The following DNAH17 variants were observed in gnomAD, a reference collection of about 807,000 sequenced individuals.
The protein encoded by DNAH17 is axonemal beta dynein heavy chain 17.
DNAH17 carries 376 observed loss-of-function variants against 485.6 expected under a neutral mutation model. That is an observed-to-expected ratio of 0.77 (90% CI 0.71 to 0.84). The LOEUF is 0.84. DNAH17 is among the 40% of genes least tolerant of loss of function. The probability of loss-of-function intolerance (pLI) is 0.00; values close to 1 mark genes in which losing one functional copy is unlikely to be tolerated. For synonymous variants in DNAH17, 3,031 were observed against 2,405.9 expected (o/e 1.26, Z -7.60); for missense variants, 6,370 against 5,839.3 (o/e 1.09, Z -2.96).
chr17:78,475,415 A>T lies in DNAH17; in HGVS notation c.8374T>A (p.Ser2792Thr). The T allele has an allele frequency of 6.2e-7, 1 of 1,613,322 alleles. No homozygotes were observed. The highest frequency in any genetic ancestry group is 8.5e-7 in the Non-Finnish European group (1 of 1,179,776). The change falls in exon 54 of 81, where the codon TCT becomes ACT. Residue 2792 changes from serine (S) to threonine (T), a missense_variant. Ser to Thr is a moderately conservative substitution (Grantham distance 58). Transcript: ENST00000389840. ...HICRINRILE[S>T]PRGNALLVGV... ...ACCAGCAGGGCATTCCCCCGGGGAG[A>T]CTCCAGGATGCGATTAATCCTGCAG...
chr17:78,455,080 T>G (rs2087733137), intron 63 of DNAH17, among the ~76,000 whole-genome samples: 1 of 152,192 alleles, frequency 6.6e-6, no homozygotes, highest in African/African-American at 2.4e-5. Flanking sequence ...CAGCTAATTT[T>G]CGTAGTTTTA....
chr17:78,545,890 AGTT>A (rs1251717823), intron 16 of DNAH17, among the ~76,000 whole-genome samples: 5 of 152,080 alleles, frequency 3.3e-5, no homozygotes, highest in Admixed American at 6.6e-5. Context: ...TTTTGCCTCT[AGTT>A]GTTCTTTGCT....
chr17:78,426,941 C>A lies in DNAH17; in HGVS notation c.12756G>T (p.Leu4252=), dbSNP rs1279933167. Reference sequence around the variant, plus strand: ...CCATGTTTACCTTCAGCCCCAGGTTCAGCTCCTTGAGCGAACGGCGCATTT... The same window carrying A: ...CCATGTTTACCTTCAGCCCCAGGTTAAGCTCCTTGAGCGAACGGCGCATTT... ...TNEMRRSLKE[L]NLGLKGELTI... is the part of the protein sequence containing the mutation. The change falls in exon 78 of 81, where the codon CTG becomes CTT. Residue 4252 remains leucine (L), a synonymous_variant. Coordinates refer to ENST00000389840, the MANE Select transcript of DNAH17 (RefSeq NM_173628.4). The A allele has an allele frequency of 6.2e-7, 1 of 1,606,438 alleles. No individual in the cohort carries two copies. Among genetic ancestry groups the A allele is most frequent in the Admixed American group, 1.7e-5 (1 of 58,906 alleles).
intron 17 of DNAH17, among the ~76,000 whole-genome samples, chr17:78,540,427 A>ATGAGTGGG (rs2091495624): frequency 7.0e-5 from 2 of 28,480 alleles, no homozygotes; most frequent in African/African-American, 3.2e-4. Context: ...GAGTGGGTGG[A>ATGAGTGGG]TGGATGGATG....
Position 78,479,391 on chromosome 17 carries a change from A to G in DNAH17, c.7900+94T>C, listed in dbSNP as rs2089248996. 6 of 1,377,532 alleles carry G rather than the reference A, an allele frequency of 4.4e-6. No homozygotes were observed. In the East Asian group the frequency reaches 1.3e-4, roughly 30 times the overall value. The allele number at this position is 1,377,532 out of a possible 1,614,324, so 85.3% of individuals were successfully genotyped here. A position where few individuals can be genotyped will look rare whatever the true frequency, so the allele number is the denominator to read the frequency against. ...TTAAGATATTGATTTAGAATTATAA[A>G]TAAAATATTTATCAAGGGAAAATGT... On this transcript the variant is annotated intron_variant, in intron 50 of 80. Transcript: ENST00000389840.
At chr17:78,482,550 T>G (rs761286771) in intron 48 of DNAH17, among the ~76,000 whole-genome samples, 3 of 152,186 alleles carry the variant, frequency 2.0e-5, no homozygotes, top group African/African-American at 4.8e-5. Flanking sequence ...TTTTTGCCCT[T>G]CTGTGTGTGC....
intron 54 of DNAH17, among the ~76,000 whole-genome samples, chr17:78,472,230 T>A (rs2088785304): frequency 6.8e-6 from 1 of 145,998 alleles, no homozygotes; most frequent in Non-Finnish European, 1.5e-5. Context: ...TGTGAGACAT[T>A]AGGGTTATGG....
At chr17:78,488,464 TC>T (rs777562246) in intron 44 of DNAH17, among the ~76,000 whole-genome samples, 39 of 152,284 alleles carry the variant, frequency 2.6e-4, no homozygotes, top group Non-Finnish European at 4.7e-4. Context: ...CACGCTGCCT[TC>T]GTTTCTGGCT....
In DNAH17 at chr17:78,574,983, G is replaced by A. The variant is rs1377616143; in HGVS notation, c.75C>T (p.Asp25=). 9 of 1,613,872 alleles carry A rather than the reference G, an allele frequency of 5.6e-6. No homozygotes were observed. Among genetic ancestry groups the A allele is most frequent in the Admixed American group, 3.3e-5 (2 of 60,004 alleles). The part of the protein sequence containing the change: ...VASIVLKFKP[D]KWSKLIGAEE... ...CGGCGCCTATCAGCTTGCTCCACTT[G>A]TCCGGCTTGAACTTCAGGACGATGG... The change falls in exon 2 of 81, where the codon GAC becomes GAT. Residue 25 remains aspartate (D), a synonymous_variant. Coordinates refer to ENST00000389840, the MANE Select transcript of DNAH17 (RefSeq NM_173628.4).
chr17:78,455,718 C>G lies in DNAH17; in HGVS notation c.10096G>C (p.Val3366Leu). Reference sequence around the variant, plus strand: ...CGGTATTTCTTGGTGAAGTAGCCCACGTAGGACACGAAGGCAGAGATGAGC... The same window carrying G: ...CGGTATTTCTTGGTGAAGTAGCCCAGGTAGGACACGAAGGCAGAGATGAGC... Reference protein sequence around the residue: ...VLLISAFVSYVGYFTKKYRNE... With the variant: ...VLLISAFVSYLGYFTKKYRNE... The change falls in exon 63 of 81, where the codon GTG becomes CTG. Residue 3366 changes from valine to leucine, a missense_variant. Transcript: ENST00000389840. 3 of 1,607,190 alleles carry G rather than the reference C, an allele frequency of 1.9e-6. No homozygotes were observed. Among genetic ancestry groups the G allele is most frequent in the East Asian group, 2.2e-5 (1 of 44,524 alleles).
At position 78,459,050 on chromosome 17, in the gene DNAH17, T is replaced by C; in HGVS notation, c.9812A>G (p.Glu3271Gly). The C allele has an allele frequency of 6.2e-7, 1 of 1,614,048 alleles. No homozygotes were observed. The highest frequency in any genetic ancestry group is 2.2e-5 in the East Asian group (1 of 44,888). The change falls in exon 61 of 81, where the codon GAG (glutamate) becomes GGG (glycine). Residue 3271 changes from glutamate (E) to glycine (G), a missense_variant. Glu to Gly is a moderately conservative substitution (Grantham distance 98). Coordinates refer to ENST00000389840, the MANE Select transcript of DNAH17 (RefSeq NM_173628.4). ...KRQALEEANA[E>G]LAEAQEKLSR... ...CAGCTTCTCTTGTGCCTCTGCCAGCTCTGCATTAGCCTCCTCCAGTGCCTG... is the reference window on the plus strand; with the variant it reads ...CAGCTTCTCTTGTGCCTCTGCCAGCCCTGCATTAGCCTCCTCCAGTGCCTG...
At chr17:78,440,554 C>T (rs868300136) in intron 72 of DNAH17, among the ~76,000 whole-genome samples, 2 of 152,122 alleles carry the variant, frequency 1.3e-5, no homozygotes, top group South Asian at 2.1e-4. Flanking sequence ...CTACCGCCCC[C>T]GGCCTGCTTC....
rs1285998781 is a variant in DNAH17 at position 78,494,622 on chromosome 17, G to T, written c.6241C>A (p.Pro2081Thr). 6.2e-7 allele frequency: 1 copy of T among 1,613,892 alleles called. No individual in the cohort carries two copies. The highest frequency in any genetic ancestry group is 1.1e-5 in the South Asian group (1 of 91,086). ...IGDLFPALDV[P>T]RKRDLNFEKI... ...TCAAAATTCAGGTCCCGTTTCCGAGGCACGTCCAGAGCCGGGAAGAGGTCC... is the reference window on the plus strand; with the variant it reads ...TCAAAATTCAGGTCCCGTTTCCGAGTCACGTCCAGAGCCGGGAAGAGGTCC... Residue 2081 changes from proline (P) to threonine (T), a missense_variant, in exon 40 of 81, where the codon CCT (proline) becomes ACT (threonine). Transcript: ENST00000389840.
chr17:78,430,874 G>A (rs984648793), intron 75 of DNAH17, among the ~76,000 whole-genome samples: 3 of 148,808 alleles, frequency 2.0e-5, no homozygotes, highest in African/African-American at 5.0e-5. Context: ...GAGCCACTGT[G>A]CCCAGCCCAT....
intron 16 of DNAH17, among the ~76,000 whole-genome samples, chr17:78,545,043 C>G (rs1376671040): frequency 6.6e-6 from 1 of 151,824 alleles, no homozygotes; most frequent in Admixed American, 6.6e-5. Flanking sequence ...CTCCTCCTCA[C>G]GGCTGCCTCT....
At chr17:78,431,448 AC>A (rs537043508) in intron 75 of DNAH17, among the ~76,000 whole-genome samples, 1,512 of 137,648 alleles carry the variant, frequency 0.011, 23 homozygotes, top group Admixed American at 0.028. Flanking sequence ...TGCTGAGGGA[AC>A]CCCCCACCCC....
In DNAH17 at chr17:78,460,195, C is replaced by G. The variant is rs2088030416; in HGVS notation, c.9402G>C (p.Leu3134=). 1 of 1,609,346 alleles carries G rather than the reference C, an allele frequency of 6.2e-7. No homozygotes were observed. Among genetic ancestry groups the G allele is most frequent in the African/African-American group, 1.3e-5 (1 of 74,990 alleles). Residue 3134 remains leucine, a synonymous_variant, in exon 59 of 81, where the codon CTG becomes CTC. Coordinates refer to ENST00000389840, the MANE Select transcript of DNAH17 (RefSeq NM_173628.4). ...GAGTGTCCAGAGCCTCCTGGGCTGC[C>G]AGCAGGGCCGGTTCTGCTTTGGCCA... ...TDLAKAEPAL[L]AAQEALDTLN... is the part of the protein sequence containing the mutation.
chr17:78,511,566 C>T (rs1020002171), intron 26 of DNAH17, among the ~76,000 whole-genome samples: 6 of 152,226 alleles, frequency 3.9e-5, no homozygotes, highest in Non-Finnish European at 8.8e-5. Context: ...ACCAGATCAC[C>T]GTTAGTCTAG....
intron 47 of DNAH17, 37 bp downstream of exon 47, chr17:78,485,513 C>T: frequency 6.5e-7 from 1 of 1,527,552 alleles, no homozygotes; most frequent in Non-Finnish European, 8.8e-7. Context: ...TGGCGGGGGG[C>T]AGCCGGGTAG....
Sources: allele counts gnomAD v4.1 joint callset (sites outside exome capture counted in the v4.1 genomes callset), GRCh38; gene constraint gnomAD v4.1.1; transcripts MANE v1.5; gene names NCBI Gene and HGNC (gene_info 2026-07-23, HGNC 2026-07-21).